ACAN: variants seen among roughly 807,000 people sequenced by gnomAD.
The protein encoded by ACAN is aggrecan, also known as aggrecan core protein.
Under a neutral mutation model 169.1 loss-of-function variants are expected in ACAN, and 47 were observed. The ratio of observed to expected loss-of-function variants is 0.28; its 90% CI spans 0.22 to 0.35. The LOEUF (loss-of-function observed/expected upper bound fraction) is 0.35, where lower values mean the gene tolerates loss of function less well. ACAN is among the 10% of genes least tolerant of loss of function. ACAN has a pLI of 1.00. For missense variants in ACAN, 2,716 were observed against 2,759.9 expected, an observed-to-expected ratio of 0.98 and a Z score of 0.36; for synonymous variants, 1,115 against 1,112.2, an observed-to-expected ratio of 1.00 and a Z score of -0.05.
At chr15:88,818,173 C>G (rs561281227) in intron 1 of ACAN, among the ~76,000 whole-genome samples, 2 of 152,322 alleles carry the variant, frequency 1.3e-5, no homozygotes, top group Admixed American at 1.3e-4. Flanking sequence ...GTTTTCTCTG[C>G]TCTCAGGGAG....
At chr15:88,805,063 A>G (rs2141478053) in intron 1 of ACAN, among the ~76,000 whole-genome samples, 1 of 152,322 alleles carries the variant, frequency 6.6e-6, no homozygotes, top group Non-Finnish European at 1.5e-5. Flanking sequence ...CAAGGGCAGA[A>G]CTAGAATCCA....
At chr15:88,813,740 AGGCAGTG>A (rs1895876201) in intron 1 of ACAN, among the ~76,000 whole-genome samples, 1 of 152,214 alleles carries the variant, frequency 6.6e-6, no homozygotes. Flanking sequence ...GAAGCAGGTC[AGGCAGTG>A]GGGCTAGGAT....
At chr15:88,806,607 C>A (rs949057794) in intron 1 of ACAN, among the ~76,000 whole-genome samples, 1 of 152,130 alleles carries the variant, frequency 6.6e-6, no homozygotes, top group Non-Finnish European at 1.5e-5. Flanking sequence ...CCTCAGCCTC[C>A]CAAAATGCTA....
At chr15:88,825,309 G>A (rs187642313) in intron 1 of ACAN, among the ~76,000 whole-genome samples, 179 of 152,232 alleles carry the variant, frequency 1.2e-3, no homozygotes, top group African/African-American at 4.1e-3. Flanking sequence ...ACTTCTGGTG[G>A]GTGACTTGGA....
rs2141644586 is a variant in ACAN at position 88,873,821 on chromosome 15, T to A, written c.7448-21T>A. 6.2e-7 allele frequency: 1 copy of A among 1,612,094 alleles called. No homozygotes were observed. Among genetic ancestry groups the A allele is most frequent in the Non-Finnish European group, 8.5e-7 (1 of 1,179,040 alleles). On this transcript the variant is annotated intron_variant, in intron 17 of 18. Transcript: ENST00000560601. The surrounding 1 kb of genome is among the most constrained non-coding windows in gnomAD (Gnocchi z 7.5). Reference sequence around the variant, plus strand: ...CCAGGAGACCCTATGAGACCCTTTATAAAGGGTGTTTGCCCCTCAGTGGCC... The same window carrying A: ...CCAGGAGACCCTATGAGACCCTTTAAAAAGGGTGTTTGCCCCTCAGTGGCC...
At chr15:88,864,036 G>A (rs1897244491) in intron 13 of ACAN, among the ~76,000 whole-genome samples, 1 of 152,126 alleles carries the variant, frequency 6.6e-6, no homozygotes, top group Non-Finnish European at 1.5e-5. Flanking sequence ...AATTAGCTTG[G>A]TATGGTGGCA....
At chr15:88,835,893 C>T (rs904661191) in intron 1 of ACAN, among the ~76,000 whole-genome samples, 1 of 152,160 alleles carries the variant, frequency 6.6e-6, no homozygotes, top group African/African-American at 2.4e-5. Context: ...TTGCCCCGGC[C>T]CAGTCAGGTT....
intron 1 of ACAN, among the ~76,000 whole-genome samples, chr15:88,823,701 T>C (rs990761654): frequency 6.6e-6 from 1 of 152,110 alleles, no homozygotes; most frequent in Non-Finnish European, 1.5e-5. Flanking sequence ...TTCCGGTACC[T>C]GGACTCAGCA....
At position 88,838,622 on chromosome 15, in the gene ACAN, G is replaced by A. The variant is rs774541522; in HGVS notation, c.71-41G>A. 11 of 1,545,016 alleles carry A rather than the reference G, an allele frequency of 7.1e-6. No homozygotes were observed. The highest frequency in any genetic ancestry group is 9.6e-6 in the Non-Finnish European group (11 of 1,143,382). ...GGGGAGGCGGGGTGGTCCTCTCTAG[G>A]CACTAACAGGTCTCTCTTCTACCCC... On this transcript the variant is annotated intron_variant, in intron 2 of 18. Coordinates refer to ENST00000560601, the MANE Select transcript of ACAN (RefSeq NM_001369268.1). This position sits in a 1 kb window ranked among gnomAD's most constrained non-coding sequence, Gnocchi z 5.1.
Position 88,851,369 on chromosome 15 carries a change from T to TGGTC in ACAN, c.2027-425_2027-424insGGTC. The TGGTC allele has an allele frequency of 6.1e-6, 1 of 162,650 alleles. No individual in the cohort carries two copies. Among genetic ancestry groups the TGGTC allele is most frequent in the Non-Finnish European group, 1.3e-5 (1 of 74,784 alleles). 10.1% of individuals were successfully genotyped at this position (162,650 alleles called of 1,614,324 possible). ...CAGTAGTTGAGAGCGTGGAGTCTGG[T>TGGTC]ACCAGATGCTTAAATTCAAAGACTA... On this transcript the variant is annotated intron_variant, in intron 10 of 18. Transcript: ENST00000560601. The surrounding 1 kb of genome is among the most constrained non-coding windows in gnomAD (Gnocchi z 4.3).
intron 8 of ACAN, 30 bp downstream of exon 8, chr15:88,847,447 C>A: frequency 6.5e-7 from 1 of 1,529,000 alleles, no homozygotes; most frequent in South Asian, 1.2e-5. Flanking sequence ...CCAGCCCAAA[C>A]CCAATTGAAG....
chr15:88,840,064 C>T lies in ACAN; in HGVS notation c.507C>T (p.Asp169=). Residue 169 remains aspartate, a synonymous_variant, in exon 4 of 19, where the codon GAC becomes GAT. Coordinates refer to ENST00000560601, the MANE Select transcript of ACAN (RefSeq NM_001369268.1). ...CTACACGCTACACCCTCGACTTTGA[C>T]AGGGCGCAGCGGGCCTGCCTGCAGA... The part of the protein sequence containing the change: ...AISTRYTLDF[D]RAQRACLQNS... 1 of 1,602,942 alleles carries T rather than the reference C, an allele frequency of 6.2e-7. No homozygotes were observed. The highest frequency in any genetic ancestry group is 8.5e-7 in the Non-Finnish European group (1 of 1,174,510).
At chr15:88,842,311 T>C (rs954284044) in intron 5 of ACAN, among the ~76,000 whole-genome samples, 1 of 152,136 alleles carries the variant, frequency 6.6e-6, no homozygotes, top group Non-Finnish European at 1.5e-5. Context: ...CCAGAGTCCC[T>C]GTGGGCAGCC....
At chr15:88,864,271 C>A (rs895334872) in intron 13 of ACAN, among the ~76,000 whole-genome samples, 1 of 151,578 alleles carries the variant, frequency 6.6e-6, no homozygotes, top group Non-Finnish European at 1.5e-5. Context: ...TATGTTATAA[C>A]CTTTTTTTTT....
rs1306472118 is a variant in ACAN at position 88,849,937 on chromosome 15, T to C, written c.2026+206T>C. The C allele has an allele frequency of 2.8e-6, 2 of 722,610 alleles. No homozygotes were observed. The highest frequency in any genetic ancestry group is 4.8e-6 in the Non-Finnish European group (2 of 414,292). The allele number at this position is 722,610 out of a possible 1,614,324, so 44.8% of individuals were successfully genotyped here. ...CCTTCTAAAGTTCCCCAGAGACAAG[T>C]AGAGATAAATAAGAACTTGAGCTGG... On this transcript the variant is annotated intron_variant, in intron 10 of 18. Transcript: ENST00000560601. The surrounding 1 kb of genome is among the most constrained non-coding windows in gnomAD (Gnocchi z 5.1).
Position 88,873,885 on chromosome 15 carries a change from C to T in ACAN, c.7491C>T (p.Phe2497=), listed in dbSNP as rs971417966. The part of the protein sequence containing the change: ...EPPVVEHART[F]GQKKDRYEIN... Reference sequence around the variant, plus strand: ...CTGTGGTGGAGCATGCCAGGACCTTCGGGCAGAAGAAGGACCGGTATGAGA... The same window carrying T: ...CTGTGGTGGAGCATGCCAGGACCTTTGGGCAGAAGAAGGACCGGTATGAGA... Residue 2497 remains phenylalanine (F), a synonymous_variant, in exon 18 of 19, where the codon TTC becomes TTT. Coordinates refer to ENST00000560601, the MANE Select transcript of ACAN (RefSeq NM_001369268.1). The surrounding 1 kb of genome is among the most constrained non-coding windows in gnomAD (Gnocchi z 7.5). The T allele has an allele frequency of 6.8e-6, 11 of 1,613,678 alleles. No homozygotes were observed. Among genetic ancestry groups the T allele is most frequent in the Admixed American group, 6.7e-5 (4 of 59,994 alleles).
Position 88,859,008 on chromosome 15 carries a change from T to C in ACAN, c.6423T>C (p.Leu2141=), listed in dbSNP as rs1042631. ...CCTCTGCATTCCACGAAGCTAACCTTGAGAGATCCTCTGGCCTAGGAGTGA... is the reference window on the plus strand; with the variant it reads ...CCTCTGCATTCCACGAAGCTAACCTCGAGAGATCCTCTGGCCTAGGAGTGA... ...ETTSAFHEAN[L]ERSSGLGVSG... is the part of the protein sequence containing the mutation. The change falls in exon 12 of 19, where the codon CTT becomes CTC. Residue 2141 remains leucine, a synonymous_variant. Coordinates refer to ENST00000560601, the MANE Select transcript of ACAN (RefSeq NM_001369268.1). 1,248,226 of 1,613,796 alleles carry C rather than the reference T, an allele frequency of 0.77. 486,313 individuals carry two copies. Among genetic ancestry groups the C allele is most frequent in the African/African-American group, 0.85 (63,618 of 75,000 alleles).
rs1442052921 is a variant in ACAN at position 88,871,140 on chromosome 15, G to A, written c.7061-242G>A. Among the ~76,000 whole-genome samples, 1 of 152,158 alleles carries A rather than the reference G, an allele frequency of 6.6e-6. No individual in the cohort carries two copies. The highest frequency in any genetic ancestry group is 1.5e-5 in the Non-Finnish European group (1 of 68,018). On this transcript the variant is annotated intron_variant, in intron 14 of 18. Coordinates refer to ENST00000560601, the MANE Select transcript of ACAN (RefSeq NM_001369268.1). The surrounding 1 kb of genome is among the most constrained non-coding windows in gnomAD (Gnocchi z 7.8). ...GAAAGCTTGGGAGAGGGTGAGGGGG[G>A]AGGGCGTGGCATCAGGGAAGGAAAG...
At chr15:88,842,609 G>C (rs1596134242) in intron 5 of ACAN, among the ~76,000 whole-genome samples, 2 of 151,996 alleles carry the variant, frequency 1.3e-5, no homozygotes, top group South Asian at 4.2e-4. Context: ...CCCCGGCCAG[G>C]CTTTCTCACC....
Sources: gnomAD v4.1 joint callset for allele counts (sites outside exome capture counted in the v4.1 genomes callset) on GRCh38, gnomAD v4.1.1 for gene constraint, Gnocchi (gnomAD v3.1) non-coding constraint, MANE v1.5 for transcripts, NCBI Gene and HGNC (gene_info 2026-07-23, HGNC 2026-07-21) for gene names.